Variants in DMD observed in about 807,000 individuals in gnomAD.
The protein encoded by DMD is mutant dystrophin.
In DMD, 63 loss-of-function variants were observed where a neutral mutation model predicts 330.1. That is an observed-to-expected ratio of 0.19 (90% CI 0.16 to 0.24). DMD has a LOEUF of 0.24. DMD is among the 10% of genes least tolerant of loss of function. The pLI is 1.00. For synonymous variants in DMD, 1,223 were observed against 959.8 expected (o/e 1.27, Z -5.07); for missense variants, 3,344 against 2,684.1 (o/e 1.25, Z -5.43).
rs190623188 is a variant in DMD, at chrX:32,070,762, C to T, written c.6439-102248G>A. Among the ~76,000 whole-genome samples the T allele has an allele frequency of 8.1e-3, 901 of 111,066 alleles. 6 individuals carry two copies. The highest frequency in any genetic ancestry group is 0.028 in the African/African-American group (849 of 30,478). The stretch of plus-strand genomic sequence containing the variant: ...ATATGTTCTCACTGATACGTGGGAG[C>T]TAAGCTATGAGGATGCAAAGGCATA... On this transcript the variant is annotated intron_variant, in intron 44 of 78. Transcript: ENST00000357033.
chrX:32,363,253 G>A (rs757545873), intron 36 of DMD, among the ~76,000 whole-genome samples: 1 of 111,577 alleles, frequency 9.0e-6, no homozygotes, highest in Middle Eastern at 4.6e-3. Flanking sequence ...GGAAGGACAG[G>A]GATGTTTTCC....
chrX:32,252,834 A>G (rs868639614), intron 43 of DMD, among the ~76,000 whole-genome samples: 2 of 58,445 alleles, frequency 3.4e-5, no homozygotes, highest in African/African-American at 7.8e-5. Flanking sequence ...ATATATATAA[A>G]TATATATAAA....
At position 31,155,368 on chromosome X, in the gene DMD, T is replaced by A. The variant is rs2037983069; in HGVS notation, c.10554-7850A>T. ...AGAAATGAAGGTCACTTTCCAGTGA[T>A]CAATGTTTTCTTAACAGTATCATAC... On this transcript the variant is annotated intron_variant, in intron 74 of 78. Coordinates refer to ENST00000357033, the MANE Select transcript of DMD (RefSeq NM_004006.3). 2.7e-5 allele frequency among the ~76,000 whole-genome samples: 3 copies of A among 112,688 alleles called. No homozygotes were observed. The South Asian group carries it at 1.1e-3, about 41-fold the overall frequency.
At chrX:32,021,384 A>G (rs767597752) in intron 44 of DMD, among the ~76,000 whole-genome samples, 1 of 112,293 alleles carries the variant, frequency 8.9e-6, no homozygotes, top group South Asian at 3.7e-4. Flanking sequence ...TTTTTAAAAA[A>G]TGAGCATTGT....
chrX:31,141,237 A>AACAACAAC lies in DMD; in HGVS notation c.10921+5053_10921+5054insGTTGTTGT, dbSNP rs770172375. Among the ~76,000 whole-genome samples the AACAACAAC allele has an allele frequency of 6.3e-3, 668 of 105,978 alleles. 4 individuals carry two copies. The highest frequency in any genetic ancestry group is 0.023 in the African/African-American group (603 of 26,174). The allele number at this position is 105,978 out of a possible 115,157, so 92.0% of individuals were successfully genotyped here. On this transcript the variant is annotated intron_variant, in intron 76 of 78. Coordinates refer to ENST00000357033, the MANE Select transcript of DMD (RefSeq NM_004006.3). ...ACAACAACAACAACAACAACAACAA[A>AACAACAAC]ACCAGAATGATATAATGCATGATTA...
intron 62 of DMD, among the ~76,000 whole-genome samples, chrX:31,282,797 T>C (rs1176876255): frequency 9.0e-6 from 1 of 111,683 alleles, no homozygotes; most frequent in Non-Finnish European, 1.9e-5. Context: ...ATGGATTGAC[T>C]GGATTTCAAT....
chrX:31,138,720 C>T (rs770715324), intron 76 of DMD, among the ~76,000 whole-genome samples: 2 of 103,625 alleles, frequency 1.9e-5, no homozygotes, highest in African/African-American at 7.2e-5. Flanking sequence ...TAAAAACCAT[C>T]AGCTCTCCTG....
In DMD at chrX:32,953,513, A is replaced by C. The variant is rs1443914902; in HGVS notation, c.93+66626T>G. ...TCATTGGTGTATATAACCAGAATTT[A>C]AGTTGAATCATTGGCATCAAAGATT... is the stretch of plus-strand genomic sequence containing the variant. On this transcript the variant is annotated intron_variant, in intron 2 of 78. Transcript: ENST00000357033. 2.7e-5 allele frequency among the ~76,000 whole-genome samples: 3 copies of C among 112,231 alleles called. No homozygotes were observed. In the South Asian group the frequency reaches 1.1e-3, roughly 41 times the overall value.
chrX:32,438,824 C>T lies in DMD; in HGVS notation c.3922-434G>A, dbSNP rs759976800. On this transcript the variant is annotated intron_variant, in intron 28 of 78. Coordinates refer to ENST00000357033, the MANE Select transcript of DMD (RefSeq NM_004006.3). ...CCTGGAGGTATAACAATCATCTTTG[C>T]ACTGGGAGGCAATGACTTTGAGTGT... Among the ~76,000 whole-genome samples the T allele has an allele frequency of 5.4e-5, 6 of 111,664 alleles. No individual in the cohort carries two copies. The South Asian group carries it at 1.1e-3, about 21-fold the overall frequency.
intron 43 of DMD, among the ~76,000 whole-genome samples, chrX:32,233,662 C>T (rs1290644764): frequency 3.8e-5 from 4 of 105,640 alleles, no homozygotes; most frequent in Non-Finnish European, 7.7e-5. Context: ...GACGGAGCTT[C>T]GCTCTTGTTG....
chrX:32,851,312 C>A (rs951501718), intron 2 of DMD, among the ~76,000 whole-genome samples: 1 of 112,120 alleles, frequency 8.9e-6, no homozygotes, highest in Non-Finnish European at 1.9e-5. Context: ...GTGTGCCCAG[C>A]TTTGTGAATC....
In DMD at chrX:31,150,553, T is replaced by C. The variant is rs191769899; in HGVS notation, c.10554-3035A>G. ...ATGACAGATTTCTGTTGTTCACAGA[T>C]GATATTTCATCAGGTGAGAGAAATT... is the stretch of plus-strand genomic sequence containing the variant. On this transcript the variant is annotated intron_variant, in intron 74 of 78. Transcript: ENST00000357033. Among the ~76,000 whole-genome samples, 144 of 112,385 alleles carry C rather than the reference T, an allele frequency of 1.3e-3. 1 individual carries two copies. Among genetic ancestry groups the C allele is most frequent in the African/African-American group, 4.3e-3 (133 of 30,995 alleles).
chrX:33,090,464 G>A (rs1038377079), intron 1 of DMD, among the ~76,000 whole-genome samples: 2 of 108,156 alleles, frequency 1.8e-5, no homozygotes, highest in Non-Finnish European at 3.8e-5. Flanking sequence ...ACTCATGGCT[G>A]CTCTGTGTCC....
At chrX:31,281,909 C>T (rs1173187134) in intron 62 of DMD, among the ~76,000 whole-genome samples, 1 of 111,965 alleles carries the variant, frequency 8.9e-6, no homozygotes, top group African/African-American at 3.2e-5. Context: ...ATGTCTCAGA[C>T]TAAGTTATTT....
intron 38 of DMD, among the ~76,000 whole-genome samples, chrX:32,346,471 TAC>T (rs1391673917): frequency 1.8e-5 from 2 of 111,606 alleles, no homozygotes; most frequent in Non-Finnish European, 3.8e-5. Context: ...CATAAAGGAA[TAC>T]AGATGTGTAT....
At chrX:31,849,630 C>T (rs2093486524) in intron 48 of DMD, among the ~76,000 whole-genome samples, 1 of 110,278 alleles carries the variant, frequency 9.1e-6, no homozygotes, top group Non-Finnish European at 1.9e-5. Flanking sequence ...TGTATACCAC[C>T]CTCAGAACTG....
At chrX:32,347,028 T>C (rs973896682) in intron 38 of DMD, among the ~76,000 whole-genome samples, 19 of 111,599 alleles carry the variant, frequency 1.7e-4, no homozygotes, top group African/African-American at 6.2e-4. Flanking sequence ...GTATTACAAT[T>C]CAAGGAATTA....
intron 2 of DMD, among the ~76,000 whole-genome samples, chrX:32,894,664 C>T (rs754406990): frequency 2.7e-5 from 3 of 112,601 alleles, no homozygotes; most frequent in Non-Finnish European, 3.7e-5. Flanking sequence ...GGCTCTCTTG[C>T]TGGGCTACTC....
chrX:33,036,131 C>T (rs6653594), intron 1 of DMD, among the ~76,000 whole-genome samples: 1 of 110,159 alleles, frequency 9.1e-6, no homozygotes, highest in African/African-American at 3.3e-5. Flanking sequence ...ATAAAGAGAG[C>T]GAGAGAGAGA....
Sources: allele counts gnomAD v4.1 joint callset (sites outside exome capture counted in the v4.1 genomes callset), GRCh38; gene constraint gnomAD v4.1.1; transcripts MANE v1.5; gene names NCBI Gene and HGNC (gene_info 2026-07-23, HGNC 2026-07-21).